Variants in LRRC4C observed in about 807,000 individuals in gnomAD.
LRRC4C encodes the protein leucine-rich repeat-containing protein 4C.
A neutral mutation model predicts 33.6 loss-of-function variants in LRRC4C; 5 were observed. The ratio of observed to expected loss-of-function variants is 0.15; its 90% confidence interval spans 0.08 to 0.31. The LOEUF (loss-of-function observed/expected upper bound fraction) is 0.31. Ranked by LOEUF, LRRC4C falls within the 10% of genes least tolerant of loss-of-function variation. The pLI is 1.00. For synonymous variants in LRRC4C, 329 were observed against 302.0 expected (o/e 1.09, Z -0.93); for missense variants, 560 against 796.7 (o/e 0.70, Z 3.58).
At chr11:40,860,879 T>C (rs982693677) in intron 2 of LRRC4C, among the ~76,000 whole-genome samples, 1 of 135,506 alleles carries the variant, frequency 7.4e-6, no homozygotes, top group Non-Finnish European at 1.5e-5. Context: ...AGGTTTTATT[T>C]TGATATGATG....
At chr11:40,762,699 GTT>G (rs1949277504) in intron 2 of LRRC4C, among the ~76,000 whole-genome samples, 1 of 152,102 alleles carries the variant, frequency 6.6e-6, no homozygotes, top group African/African-American at 2.4e-5. Context: ...GATATGAGAA[GTT>G]GACTTGCTTG....
chr11:41,084,894 G>A (rs545839184), intron 1 of LRRC4C, among the ~76,000 whole-genome samples: 16 of 152,188 alleles, frequency 1.1e-4, no homozygotes, highest in African/African-American at 3.9e-4. Context: ...CTTATCCTCT[G>A]TATTAATTGT....
chr11:40,438,926 C>CTTTTTTTT (rs869144067), intron 3 of LRRC4C, among the ~76,000 whole-genome samples: 2 of 106,902 alleles, frequency 1.9e-5, no homozygotes, highest in African/African-American at 3.5e-5. Context: ...TGAATTGCTA[C>CTTTTTTTT]TTTTTTTTTT....
rs114431298 is a variant in LRRC4C, at chr11:41,344,180, G to T, written c.-496+115251C>A. Among the ~76,000 whole-genome samples, 5 of 149,598 alleles carry T rather than the reference G, an allele frequency of 3.3e-5. 1 individual carries two copies. In the South Asian group the frequency reaches 1.1e-3, roughly 32 times the overall value. ...ATGTCTTCCGCTTCCAGAGCCCAGT[G>T]ATTTTCCCAATACCAATTCACTCTT... On this transcript the variant is annotated intron_variant, in intron 1 of 6. Coordinates refer to ENST00000528697, the MANE Select transcript of LRRC4C (RefSeq NM_001258419.2).
At chr11:40,481,100 A>G (rs113236217) in intron 3 of LRRC4C, among the ~76,000 whole-genome samples, 3 of 152,110 alleles carry the variant, frequency 2.0e-5, no homozygotes, top group South Asian at 2.1e-4. Context: ...CTAGGAATAA[A>G]TGAGATGGTG....
rs373585125 is a variant in LRRC4C, at chr11:41,340,075, TG to T, written c.-496+119355del. On this transcript the variant is annotated intron_variant, in intron 1 of 6. Coordinates refer to ENST00000528697, the MANE Select transcript of LRRC4C (RefSeq NM_001258419.2). Reference sequence around the variant, plus strand: ...AAGGTAATTATTGTAGTCAGTGTTTTGTATGGGCTACATTATCTTTTTTAAT... The same window carrying T: ...AAGGTAATTATTGTAGTCAGTGTTTTTATGGGCTACATTATCTTTTTTAAT... 1.5e-4 allele frequency among the ~76,000 whole-genome samples: 23 copies of T among 152,314 alleles called. No individual in the cohort carries two copies. In the East Asian group the frequency reaches 4.2e-3, roughly 28 times the overall value.
intron 1 of LRRC4C, among the ~76,000 whole-genome samples, chr11:41,413,826 GT>G (rs926269870): frequency 6.6e-6 from 1 of 152,146 alleles, no homozygotes; most frequent in Non-Finnish European, 1.5e-5. Flanking sequence ...CTCAAACAAT[GT>G]TTTTTGACAA....
At chr11:41,088,970 T>C (rs1344069790) in intron 1 of LRRC4C, among the ~76,000 whole-genome samples, 1 of 152,084 alleles carries the variant, frequency 6.6e-6, no homozygotes, top group Admixed American at 6.6e-5. Context: ...CAAGCTATGT[T>C]CAATCAGGCT....
At chr11:40,318,106 A>G (rs950492871) in intron 4 of LRRC4C, among the ~76,000 whole-genome samples, 10 of 152,076 alleles carry the variant, frequency 6.6e-5, no homozygotes, top group African/African-American at 2.4e-4. Context: ...TCCAAACATC[A>G]CTATACTCGT....
At chr11:40,610,036 A>G (rs1344239636) in intron 3 of LRRC4C, among the ~76,000 whole-genome samples, 1 of 152,014 alleles carries the variant, frequency 6.6e-6, no homozygotes, top group Non-Finnish European at 1.5e-5. Context: ...TTCCAAACTT[A>G]TTTTATGAGG....
chr11:41,133,557 T>C (rs1276908728), intron 1 of LRRC4C, among the ~76,000 whole-genome samples: 3 of 149,492 alleles, frequency 2.0e-5, no homozygotes, highest in African/African-American at 7.5e-5. Flanking sequence ...AAACTGAGTT[T>C]TCAGTCATAA....
chr11:40,876,057 T>C (rs1488355695), intron 2 of LRRC4C, among the ~76,000 whole-genome samples: 2 of 152,078 alleles, frequency 1.3e-5, no homozygotes, highest in African/African-American at 4.8e-5. Flanking sequence ...GGGAGCAGGA[T>C]TTTCAGTATT....
chr11:40,669,001 C>G (rs1398194773), intron 2 of LRRC4C, among the ~76,000 whole-genome samples: 3 of 152,184 alleles, frequency 2.0e-5, no homozygotes, highest in Non-Finnish European at 4.4e-5. Flanking sequence ...AGGTTCAAAT[C>G]TCTACGGTTG....
chr11:41,002,166 A>T (rs1212155275), intron 1 of LRRC4C, among the ~76,000 whole-genome samples: 1 of 152,200 alleles, frequency 6.6e-6, no homozygotes, highest in African/African-American at 2.4e-5. Flanking sequence ...TCCAATAAAC[A>T]ATTTCAATTT....
At chr11:40,605,318 T>C (rs1259546487) in intron 3 of LRRC4C, among the ~76,000 whole-genome samples, 1 of 152,140 alleles carries the variant, frequency 6.6e-6, no homozygotes, top group Admixed American at 6.5e-5. Flanking sequence ...TTTAATACCA[T>C]ATTTAATGTG....
chr11:40,508,911 T>G (rs1317227241), intron 3 of LRRC4C, among the ~76,000 whole-genome samples: 1 of 152,048 alleles, frequency 6.6e-6, no homozygotes, highest in Non-Finnish European at 1.5e-5. Context: ...AAGGAAATAC[T>G]ATTTTTGACC....
rs533090508 is a variant in LRRC4C at position 41,027,003 on chromosome 11, C to G, written c.-495-93280G>C. Among the ~76,000 whole-genome samples the G allele has an allele frequency of 7.1e-4, 108 of 151,592 alleles. 2 individuals carry two copies. The South Asian group carries it at 0.022, about 31-fold the overall frequency. On this transcript the variant is annotated intron_variant, in intron 1 of 6. Transcript: ENST00000528697. The stretch of plus-strand genomic sequence containing the variant: ...ACACTCTCTCTTTTCTCTTGATAGT[C>G]AGAATTTTTATCTTACTTGTTGCTA...
intron 1 of LRRC4C, among the ~76,000 whole-genome samples, chr11:41,408,391 C>T (rs1331902603): frequency 6.6e-6 from 1 of 152,106 alleles, no homozygotes; most frequent in African/African-American, 2.4e-5. Flanking sequence ...TCCATTGATT[C>T]ACTTGTCCAT....
At chr11:40,970,928 A>C (rs2136986581) in intron 1 of LRRC4C, among the ~76,000 whole-genome samples, 1 of 152,302 alleles carries the variant, frequency 6.6e-6, no homozygotes, top group South Asian at 2.1e-4. Flanking sequence ...GGTGGAAGAA[A>C]TTTCTAACCA....
Sources: gnomAD v4.1 joint callset for allele counts (sites outside exome capture counted in the v4.1 genomes callset) on GRCh38, gnomAD v4.1.1 for gene constraint, MANE v1.5 for transcripts, NCBI Gene and HGNC (gene_info 2026-07-23, HGNC 2026-07-21) for gene names.